GINS2: variants seen among roughly 807,000 people sequenced by gnomAD.
The protein encoded by GINS2 is GINS complex subunit 2, also known as DNA replication complex GINS protein PSF2.
A neutral mutation model predicts 21.2 loss-of-function variants in GINS2; 23 were observed. The ratio of observed to expected loss-of-function variants is 1.08; its 90% CI spans 0.78 to 1.53. GINS2 has a LOEUF of 1.53. GINS2 is among the 40% of genes most tolerant of loss of function. GINS2 has a pLI of 0.00. For synonymous variants in GINS2, 118 were observed against 85.6 expected, an observed-to-expected ratio of 1.38 and a Z score of -2.09; for missense variants, 323 against 233.9, an observed-to-expected ratio of 1.38 and a Z score of -2.49.
chr16:85,682,256 C>T (rs1567791624), intron 2 of GINS2, among the ~76,000 whole-genome samples: 2 of 152,066 alleles, frequency 1.3e-5, no homozygotes, highest in South Asian at 4.1e-4. Context: ...CTCAAGTGAT[C>T]GCCCTGCCTC....
intron 1 of GINS2, 98 bp from the exon 2 acceptor site, chr16:85,687,672 G>A (rs2053789441): frequency 3.1e-6 from 2 of 651,082 alleles, no homozygotes; most frequent in Non-Finnish European, 5.1e-6. Flanking sequence ...GCATTGCAGA[G>A]GCTGAAGTCC....
chr16:85,682,053 G>C (rs1190757637), intron 2 of GINS2, among the ~76,000 whole-genome samples: 1 of 106,480 alleles, frequency 9.4e-6, no homozygotes, highest in Non-Finnish European at 1.7e-5. Flanking sequence ...TTTTTTGAGA[G>C]GGTCTCTCTC....
At chr16:85,686,399 CAG>C (rs1334061271) in intron 2 of GINS2, among the ~76,000 whole-genome samples, 1 of 147,030 alleles carries the variant, frequency 6.8e-6, no homozygotes, top group African/African-American at 2.6e-5. Flanking sequence ...GCCTGGGCGA[CAG>C]AGCGAGACTC....
At chr16:85,681,143 G>A (rs940723433) in intron 3 of GINS2, among the ~76,000 whole-genome samples, 3 of 152,146 alleles carry the variant, frequency 2.0e-5, no homozygotes, top group Admixed American at 6.5e-5. Flanking sequence ...CCTTTCCTGC[G>A]AAAGACACAA....
chr16:85,685,670 C>CCAAA (rs1555579552), intron 2 of GINS2, among the ~76,000 whole-genome samples: 3 of 55,278 alleles, frequency 5.4e-5, no homozygotes, highest in African/African-American at 1.8e-4. Context: ...GACCCTTTCT[C>CCAAA]AAAAAAAAAA....
intron 2 of GINS2, among the ~76,000 whole-genome samples, chr16:85,687,029 C>A (rs1324009408): frequency 6.6e-6 from 1 of 152,236 alleles, no homozygotes; most frequent in East Asian, 1.9e-4. Context: ...TGAGACCAGC[C>A]TGGGCAGCAT....
intron 2 of GINS2, 55 bp downstream of exon 2, chr16:85,687,405 G>T: frequency 1.9e-6 from 2 of 1,041,844 alleles, no homozygotes; most frequent in Non-Finnish European, 1.4e-6. Flanking sequence ...GGGAGAGGGC[G>T]TCACCCCAAG....
At chr16:85,678,772 AG>A in intron 3 of GINS2, 106 bp from the exon 4 acceptor site, 1 of 1,095,004 alleles carries the variant, frequency 9.1e-7, no homozygotes, top group Non-Finnish European at 1.3e-6. Context: ...TTCCAGACTC[AG>A]AAAGTCTGTT....
rs1555579568 is a variant in GINS2 at position 85,685,679 on chromosome 16, A to AAACAAAAAAAAAAAAAAAC, written c.205+1780_205+1781insGTTTTTTTTTTTTTTTGTT. On this transcript the variant is annotated intron_variant, in intron 2 of 4. Coordinates refer to ENST00000253462, the MANE Select transcript of GINS2 (RefSeq NM_016095.3). ...GAGCAAGACCCTTTCTCAAAAAAAA[A>AAACAAAAAAAAAAAAAAAC]AAAAAAAAAAAACCGTCTCAAAGCA... Among the ~76,000 whole-genome samples the AAACAAAAAAAAAAAAAAAC allele has an allele frequency of 2.5e-3, 363 of 144,232 alleles. 5 individuals carry two copies. The highest frequency in any genetic ancestry group is 9.5e-3 in the African/African-American group (343 of 36,204). The allele number at this position is 144,232 out of a possible 152,430, so 94.6% of individuals were successfully genotyped here.
rs746372031 is a variant in GINS2 at position 85,678,282 on chromosome 16, G to A, written c.488C>T (p.Ala163Val). 80 of 1,612,242 alleles carry A rather than the reference G, an allele frequency of 5.0e-5. No homozygotes were observed. The highest frequency in any genetic ancestry group is 5.9e-5 in the Non-Finnish European group (70 of 1,178,400). The change falls in exon 5 of 5, where the codon GCG becomes GTG. Residue 163 changes from alanine to valine, a missense_variant. Ala to Val is a moderately conservative substitution (Grantham distance 64). Transcript: ENST00000253462. The part of the protein sequence containing the change: ...INTSGTFLTQ[A>V]LNHMYKLRTN... ...GCGGAGTTTGTACATGTGGTTGAGC[G>A]CTTGTGTGAGGAAAGTCCCGCTGGT...
At chr16:85,685,098 C>G (rs2053763676) in intron 2 of GINS2, among the ~76,000 whole-genome samples, 1 of 152,150 alleles carries the variant, frequency 6.6e-6, no homozygotes. Context: ...CCAGAACAGG[C>G]AGAACTTATC....
chr16:85,685,646 G>A (rs1039306119), intron 2 of GINS2, among the ~76,000 whole-genome samples: 5 of 106,876 alleles, frequency 4.7e-5, no homozygotes, highest in Non-Finnish European at 8.1e-5. Flanking sequence ...AGCCCAGCCT[G>A]GGTGACAGAG....
chr16:85,681,532 A>G (rs930055155), intron 3 of GINS2, 50 bp downstream of exon 3: 2 of 1,071,992 alleles, frequency 1.9e-6, no homozygotes, highest in African/African-American at 3.1e-5. Context: ...GGGGAAGGGC[A>G]TGGCGAGTCC....
chr16:85,688,571 G>T (rs1353358179), intron 1 of GINS2, among the ~76,000 whole-genome samples: 6 of 152,122 alleles, frequency 3.9e-5, no homozygotes, highest in Non-Finnish European at 2.9e-5. Flanking sequence ...AACCAAAAAA[G>T]CCCCCAAACA....
At chr16:85,686,540 T>A (rs2053779268) in intron 2 of GINS2, among the ~76,000 whole-genome samples, 1 of 152,148 alleles carries the variant, frequency 6.6e-6, no homozygotes, top group African/African-American at 2.4e-5. Context: ...CAATCCCAAT[T>A]TTCATCATGC....
At chr16:85,688,695 G>C (rs2053801416) in intron 1 of GINS2, 114 bp downstream of exon 1, 3 of 480,600 alleles carry the variant, frequency 6.2e-6, no homozygotes, top group African/African-American at 4.0e-5. Flanking sequence ...CCGAGTGGTG[G>C]CCTCCGCAGA....
intron 2 of GINS2, among the ~76,000 whole-genome samples, chr16:85,687,206 G>A (rs1476425153): frequency 6.6e-6 from 1 of 152,246 alleles, no homozygotes; most frequent in Non-Finnish European, 1.5e-5. Flanking sequence ...GGGTGATGGA[G>A]TCAGACCCGT....
At chr16:85,685,024 G>T (rs954911189) in intron 2 of GINS2, among the ~76,000 whole-genome samples, 2 of 151,970 alleles carry the variant, frequency 1.3e-5, no homozygotes, top group African/African-American at 4.8e-5. Context: ...CCTGACCTCA[G>T]GTGATCCACC....
intron 2 of GINS2, among the ~76,000 whole-genome samples, chr16:85,684,659 C>T (rs1012235941): frequency 6.6e-6 from 1 of 151,586 alleles, no homozygotes; most frequent in Non-Finnish European, 1.5e-5. Flanking sequence ...GGGTTGGGAG[C>T]TGAGCTCTGT....
Sources: allele counts gnomAD v4.1 joint callset (sites outside exome capture counted in the v4.1 genomes callset), GRCh38; gene constraint gnomAD v4.1.1; transcripts MANE v1.5; gene names NCBI Gene and HGNC (gene_info 2026-07-23, HGNC 2026-07-21).